Variants in UPP2 observed in about 807,000 individuals in gnomAD.
UPP2 encodes uridine phosphorylase 2.
In UPP2, 23 loss-of-function variants were observed where a neutral mutation model predicts 26.7. That is an observed-to-expected ratio of 0.86 (90% confidence interval 0.62 to 1.22). The LOEUF is 1.22. Ranked by LOEUF, UPP2 falls within the 50% of genes most tolerant of loss-of-function variation. The pLI is 0.00. For synonymous variants in UPP2, 127 were observed against 141.3 expected (o/e 0.90, Z 0.72); for missense variants, 387 against 396.7 (o/e 0.98, Z 0.21).
intron 2 of UPP2, among the ~76,000 whole-genome samples, chr2:158,004,201 TC>T (rs1236520940): frequency 6.6e-6 from 1 of 152,146 alleles, no homozygotes; most frequent in Non-Finnish European, 1.5e-5. Flanking sequence ...AATTAGTAAA[TC>T]TTGCTAGTGT....
rs747648892 is a variant in UPP2 at position 158,106,073 on chromosome 2, C to T, written c.63-26C>T. 3 of 1,510,924 alleles carry T rather than the reference C, an allele frequency of 2.0e-6. No homozygotes were observed. The South Asian group carries it at 3.8e-5, about 19-fold the overall frequency. 93.6% of individuals were successfully genotyped at this position (1,510,924 alleles called of 1,614,324 possible). On this transcript the variant is annotated intron_variant, in intron 1 of 6. Coordinates refer to ENST00000005756, the MANE Select transcript of UPP2 (RefSeq NM_173355.4). ...GCTTTCTCTCAAAATTCTTTTATAT[C>T]TTCTTTGTATAATTTTTTTTTCCAG... is the stretch of plus-strand genomic sequence containing the variant.
intron 3 of UPP2, among the ~76,000 whole-genome samples, chr2:158,020,124 T>C (rs1291012889): frequency 6.6e-6 from 1 of 152,324 alleles, no homozygotes; most frequent in East Asian, 1.9e-4. Context: ...TGTTTGGTTT[T>C]TGTTTTTTTT....
At chr2:158,030,793 A>G (rs990690435) in intron 3 of UPP2, among the ~76,000 whole-genome samples, 1 of 152,244 alleles carries the variant, frequency 6.6e-6, no homozygotes, top group East Asian at 1.9e-4. Context: ...CTTCAGTCAT[A>G]GACCCAAGAC....
At chr2:158,102,280 T>C (rs141827109) in intron 1 of UPP2, among the ~76,000 whole-genome samples, 155 bp downstream of exon 1, 1 of 152,296 alleles carries the variant, frequency 6.6e-6, no homozygotes, top group East Asian at 1.9e-4. Context: ...ATAAAAACAG[T>C]GGAAAATGTA....
intron 2 of UPP2, among the ~76,000 whole-genome samples, chr2:158,112,470 C>G (rs1683339807): frequency 6.6e-6 from 1 of 151,896 alleles, no homozygotes; most frequent in African/African-American, 2.4e-5. Flanking sequence ...GGATGAAAGA[C>G]CTAAATGTAA....
chr2:158,044,909 T>C (rs1301363462), intron 3 of UPP2, among the ~76,000 whole-genome samples: 1 of 152,176 alleles, frequency 6.6e-6, no homozygotes, highest in Non-Finnish European at 1.5e-5. Flanking sequence ...TCTGACAAAT[T>C]CCCTACCCTT....
intron 3 of UPP2, among the ~76,000 whole-genome samples, chr2:158,093,271 T>TACACACAC (rs57028617): frequency 0.011 from 1,557 of 137,488 alleles, 24 homozygotes; most frequent in African/African-American, 0.029. Context: ...AAAAGAAACA[T>TACACACAC]ACACACACAC....
At chr2:158,082,112 G>C (rs912982959) in intron 3 of UPP2, among the ~76,000 whole-genome samples, 2 of 151,788 alleles carry the variant, frequency 1.3e-5, no homozygotes, top group African/African-American at 4.8e-5. Flanking sequence ...TACCATGCCC[G>C]GGTAATTTTT....
At chr2:158,058,488 A>G (rs942288847) in intron 3 of UPP2, among the ~76,000 whole-genome samples, 4 of 148,308 alleles carry the variant, frequency 2.7e-5, no homozygotes, top group Non-Finnish European at 5.9e-5. Context: ...TGAGGACACA[A>G]CGAGAAGGTG....
chr2:158,036,888 C>A (rs139728525), intron 3 of UPP2, among the ~76,000 whole-genome samples: 1 of 152,166 alleles, frequency 6.6e-6, no homozygotes, highest in Non-Finnish European at 1.5e-5. Flanking sequence ...CACACAGACA[C>A]GGAGACCCCA....
At chr2:158,011,883 G>A (rs1048079181) in intron 2 of UPP2, among the ~76,000 whole-genome samples, 2 of 152,176 alleles carry the variant, frequency 1.3e-5, no homozygotes, top group African/African-American at 4.8e-5. Context: ...ATAGGGGTGT[G>A]TTTGCTATTT....
intron 3 of UPP2, among the ~76,000 whole-genome samples, chr2:158,031,261 C>T (rs1001621416): frequency 7.2e-5 from 11 of 152,154 alleles, no homozygotes; most frequent in African/African-American, 2.7e-4. Flanking sequence ...AAAGTGAGGG[C>T]CAGGAAGGAG....
intron 3 of UPP2, among the ~76,000 whole-genome samples, chr2:158,077,831 C>T (rs1682654965): frequency 6.6e-6 from 1 of 151,862 alleles, no homozygotes; most frequent in South Asian, 2.1e-4. Context: ...CAACAAAGTG[C>T]ATGAGACAAC....
chr2:158,066,211 C>A (rs1365725558), intron 3 of UPP2, among the ~76,000 whole-genome samples: 1 of 152,186 alleles, frequency 6.6e-6, no homozygotes, highest in East Asian at 1.9e-4. Flanking sequence ...TACCAGGCCA[C>A]AAGCTAGACA....
At chr2:158,012,359 C>A (rs954154582) in intron 2 of UPP2, among the ~76,000 whole-genome samples, 2 of 144,080 alleles carry the variant, frequency 1.4e-5, no homozygotes, top group African/African-American at 5.0e-5. Flanking sequence ...CCTCTGCCTA[C>A]CGGATTCAAG....
At position 158,115,176 on chromosome 2, in the gene UPP2, G is replaced by T. The variant is rs756827705; in HGVS notation, c.256G>T (p.Glu86Ter). Residue 86 changes from glutamate (E) to a stop codon, truncating the protein, a stop_gained, in exon 3 of 7, where the codon GAA (glutamate) becomes TAA (stop). Coordinates refer to ENST00000005756, the MANE Select transcript of UPP2 (RefSeq NM_173355.4). LOFTEE classifies it high-confidence loss of function. ...TATGCACAAGGAGCTCGGGTTTGAG[G>T]AAGCTGAAGAAGACATAAAAGACAT... The part of the protein sequence containing the change: ...LFMHKELGFE[E>*]AEEDIKDICA... 1.2e-6 allele frequency: 2 copies of T among 1,613,672 alleles called. No homozygotes were observed. The highest frequency in any genetic ancestry group is 2.2e-5 in the South Asian group (2 of 91,050).
intron 3 of UPP2, among the ~76,000 whole-genome samples, chr2:158,058,419 C>G (rs866317744): frequency 1.8e-4 from 24 of 136,450 alleles, no homozygotes; most frequent in African/African-American, 6.6e-4. Context: ...TCCCCCCAAC[C>G]TGTGTGTGTG....
chr2:158,070,835 T>G (rs1317685395), intron 3 of UPP2, among the ~76,000 whole-genome samples: 1 of 152,170 alleles, frequency 6.6e-6, no homozygotes, highest in Non-Finnish European at 1.5e-5. Flanking sequence ...AGCTGCTACA[T>G]GGCATGGAGA....
chr2:158,078,732 G>T (rs916892127), intron 3 of UPP2, among the ~76,000 whole-genome samples: 3 of 151,962 alleles, frequency 2.0e-5, no homozygotes, highest in African/African-American at 7.2e-5. Flanking sequence ...AGCACAACAG[G>T]GTGAATATAA....
Sources: gnomAD v4.1 joint callset for allele counts (sites outside exome capture counted in the v4.1 genomes callset) on GRCh38, gnomAD v4.1.1 for gene constraint, MANE v1.5 for transcripts, NCBI Gene and HGNC (gene_info 2026-07-23, HGNC 2026-07-21) for gene names.